The following UBE4B variants were observed in gnomAD, a reference collection of about 807,000 sequenced individuals.
UBE4B encodes the protein ubiquitin conjugation factor E4 B.
UBE4B carries 27 observed loss-of-function variants against 148.1 expected under a neutral mutation model. The observed-to-expected ratio is 0.18, with a 90% confidence interval of 0.13 to 0.25. The LOEUF is 0.25. Among genes scored for constraint, UBE4B ranks in the 10% least tolerant of loss-of-function variants. The pLI is 1.00. For synonymous variants in UBE4B, 596 were observed against 619.3 expected, an observed-to-expected ratio of 0.96 and a Z score of 0.56; for missense variants, 1,170 against 1,662.4, an observed-to-expected ratio of 0.70 and a Z score of 5.15.
At chr1:10,158,301 G>T in intron 21 of UBE4B, 55 bp from the exon 22 acceptor site, 8 of 1,589,074 alleles carry the variant, frequency 5.0e-6, no homozygotes, top group South Asian at 1.1e-5. Context: ...GCAATAACTG[G>T]ATTTGGAAAG....
At chr1:10,093,701 TC>T (rs1326298812) in intron 2 of UBE4B, among the ~76,000 whole-genome samples, 3 of 151,966 alleles carry the variant, frequency 2.0e-5, no homozygotes, top group Admixed American at 6.6e-5. Context: ...CTTTTTTTTT[TC>T]TTTTTTTTTT....
intron 23 of UBE4B, among the ~76,000 whole-genome samples, chr1:10,167,885 G>A (rs1329699639): frequency 6.6e-6 from 1 of 152,030 alleles, no homozygotes; most frequent in Non-Finnish European, 1.5e-5. Context: ...CACCACGCCC[G>A]GCAGATGGTG....
intron 1 of UBE4B, among the ~76,000 whole-genome samples, chr1:10,056,797 C>G (rs1356293405): frequency 1.3e-5 from 2 of 152,114 alleles, no homozygotes; most frequent in Admixed American, 6.5e-5. Flanking sequence ...TGCACATGGT[C>G]TGGTCTCTGT....
In UBE4B at chr1:10,111,773, A is replaced by G. The variant is rs148366536; in HGVS notation, c.1196+5190A>G. On this transcript the variant is annotated intron_variant, in intron 7 of 27. Coordinates refer to ENST00000343090, the MANE Select transcript of UBE4B (RefSeq NM_001105562.3). ...GGAGTTCAAGACAAGCCTGGCCAAC[A>G]TGGCGAAACCTCTTCTTTACTAAAA... Among the ~76,000 whole-genome samples the G allele has an allele frequency of 4.6e-3, 704 of 152,252 alleles. 3 individuals carry two copies. The highest frequency in any genetic ancestry group is 0.01 in the Middle Eastern group (3 of 294).
chr1:10,040,929 C>T (rs1478023257), intron 1 of UBE4B, among the ~76,000 whole-genome samples: 2 of 152,102 alleles, frequency 1.3e-5, no homozygotes, highest in Non-Finnish European at 2.9e-5. Context: ...CTAACATCCC[C>T]ACCTCTTTGA....
chr1:10,063,469 A>G (rs1644326073), intron 1 of UBE4B, among the ~76,000 whole-genome samples: 1 of 152,098 alleles, frequency 6.6e-6, no homozygotes, highest in Admixed American at 6.6e-5. Context: ...CTCACTTTTT[A>G]CTTCCAAATA....
chr1:10,126,349 AGAT>A lies in UBE4B; in HGVS notation c.1555-444_1555-442del, dbSNP rs1400624271. Among the ~76,000 whole-genome samples, 579 of 152,048 alleles carry A rather than the reference AGAT, an allele frequency of 3.8e-3. 2 individuals carry two copies. The highest frequency in any genetic ancestry group is 0.013 in the African/African-American group (527 of 41,410). ...TAGATAGATAGATAGATAGATAGAT[AGAT>A]AGAAAGGAGGAAATATTGGAACATT... On this transcript the variant is annotated intron_variant, in intron 10 of 27. Coordinates refer to ENST00000343090, the MANE Select transcript of UBE4B (RefSeq NM_001105562.3).
chr1:10,097,050 A>T (rs954735137), intron 3 of UBE4B, among the ~76,000 whole-genome samples: 1 of 148,982 alleles, frequency 6.7e-6, no homozygotes, highest in Admixed American at 6.7e-5. Context: ...AAAAAAAAAA[A>T]AAAATAATAA....
chr1:10,121,777 T>C lies in UBE4B; in HGVS notation c.1440-185T>C, dbSNP rs138455167. The stretch of plus-strand genomic sequence containing the variant: ...CTTTGAAAATTCCCATAGTGTCTCA[T>C]TAAAAAGACCAAAAAGTGATTACTA... On this transcript the variant is annotated intron_variant, in intron 9 of 27. Coordinates refer to ENST00000343090, the MANE Select transcript of UBE4B (RefSeq NM_001105562.3). Among the ~76,000 whole-genome samples, 699 of 152,258 alleles carry C rather than the reference T, an allele frequency of 4.6e-3. 3 individuals carry two copies. The highest frequency in any genetic ancestry group is 0.01 in the Middle Eastern group (3 of 294).
intron 2 of UBE4B, among the ~76,000 whole-genome samples, chr1:10,093,985 G>A (rs530789010): frequency 2.6e-5 from 4 of 152,146 alleles, no homozygotes; most frequent in African/African-American, 9.6e-5. Context: ...GTGAGCCATC[G>A]TGCCCAGCCA....
intron 23 of UBE4B, among the ~76,000 whole-genome samples, chr1:10,165,425 T>A (rs1646231734): frequency 1.3e-5 from 2 of 152,118 alleles, no homozygotes; most frequent in African/African-American, 4.8e-5. Flanking sequence ...GTCTTCAACC[T>A]CCACTCTTGA....
intron 3 of UBE4B, among the ~76,000 whole-genome samples, chr1:10,098,909 A>G (rs1352297764): frequency 5.3e-5 from 8 of 152,212 alleles, no homozygotes; most frequent in South Asian, 2.1e-4. Context: ...AAGGATTGGA[A>G]TGGAAGAAAC....
chr1:10,051,074 A>G (rs1030567711), intron 1 of UBE4B, among the ~76,000 whole-genome samples: 2 of 152,018 alleles, frequency 1.3e-5, no homozygotes, highest in African/African-American at 2.4e-5. Flanking sequence ...TGGCATTATC[A>G]TAGCTCACTG....
At chr1:10,055,117 A>G (rs1179921142) in intron 1 of UBE4B, among the ~76,000 whole-genome samples, 1 of 152,130 alleles carries the variant, frequency 6.6e-6, no homozygotes, top group Non-Finnish European at 1.5e-5. Context: ...TCCTTGTGCC[A>G]AAAGGTTTGG....
Position 10,152,505 on chromosome 1 carries a change from G to A in UBE4B, c.2926+944G>A, listed in dbSNP as rs376105067. ...AGCCCACACCAAGAGCCTTAAAAAT[G>A]CTTTTATCGGGGCCAGGTGCGGTGG... On this transcript the variant is annotated intron_variant, in intron 21 of 27. Coordinates refer to ENST00000343090, the MANE Select transcript of UBE4B (RefSeq NM_001105562.3). Among the ~76,000 whole-genome samples the A allele has an allele frequency of 8.6e-5, 13 of 151,824 alleles. No individual in the cohort carries two copies. The East Asian group carries it at 2.5e-3, about 30-fold the overall frequency.
chr1:10,136,428 C>CCACTG (rs1437775548), intron 16 of UBE4B, among the ~76,000 whole-genome samples: 1 of 150,848 alleles, frequency 6.6e-6, no homozygotes, highest in African/African-American at 2.4e-5. Context: ...TGTGATCTTA[C>CCACTG]CACTGCACTG....
rs536212828 is a variant in UBE4B, at chr1:10,129,493, C to G, written c.1695+45C>G. ...GCTTGCACATTTTCAGTGAATATAT[C>G]ATAACCCAGAAGGCATTCCTCTAGT... On this transcript the variant is annotated intron_variant, in intron 12 of 27. Coordinates refer to ENST00000343090, the MANE Select transcript of UBE4B (RefSeq NM_001105562.3). The G allele has an allele frequency of 1.1e-5, 18 of 1,578,200 alleles. No homozygotes were observed. In the East Asian group the frequency reaches 3.4e-4, roughly 30 times the overall value.
chr1:10,033,493 A>G lies in UBE4B; in HGVS notation c.-178A>G. 1 of 600,318 alleles carries G rather than the reference A, an allele frequency of 1.7e-6. No individual in the cohort carries two copies. The highest frequency in any genetic ancestry group is 2.6e-6 in the Non-Finnish European group (1 of 390,310). The allele number at this position is 600,318 out of a possible 1,614,324, so 37.2% of individuals were successfully genotyped here. ...GGGGCGACTGGAGTGACCGAAGCCA[A>G]GGCAGTTTAGTGCCTCTCGTGTTCT... On this transcript the variant is annotated 5_prime_UTR_variant, in exon 1 of 28. Transcript: ENST00000343090.
At chr1:10,107,508 A>T in intron 7 of UBE4B, 1 of 992,046 alleles carries the variant, frequency 1.0e-6, no homozygotes, top group Non-Finnish European at 1.3e-6. Context: ...GAGTATATTG[A>T]TGTGTTCAGA....
Sources: allele counts gnomAD v4.1 joint callset (sites outside exome capture counted in the v4.1 genomes callset), GRCh38; gene constraint gnomAD v4.1.1; transcripts MANE v1.5; gene names NCBI Gene and HGNC (gene_info 2026-07-23, HGNC 2026-07-21).